MAP2: variants seen among roughly 807,000 people sequenced by gnomAD.
The protein encoded by MAP2 is microtubule associated protein 2.
A neutral mutation model predicts 137.6 loss-of-function variants in MAP2; 14 were observed. The ratio of observed to expected loss-of-function variants is 0.10; its 90% CI spans 0.07 to 0.16. The LOEUF is 0.16. MAP2 is among the 10% of genes least tolerant of loss of function. MAP2 has a pLI of 1.00. For missense variants in MAP2, 2,088 were observed against 2,191.5 expected (o/e 0.95, Z 0.94); for synonymous variants, 786 against 782.3 (o/e 1.00, Z -0.08).
At chr2:209,437,189 A>C (rs1348660055) in intron 1 of MAP2, among the ~76,000 whole-genome samples, 2 of 151,688 alleles carry the variant, frequency 1.3e-5, no homozygotes, top group East Asian at 3.9e-4. Flanking sequence ...ACTTAAAAAA[A>C]ATGGGGTGGA....
intron 4 of MAP2, among the ~76,000 whole-genome samples, chr2:209,633,906 T>A (rs1003924374): frequency 6.6e-6 from 1 of 152,192 alleles, no homozygotes; most frequent in Non-Finnish European, 1.5e-5. Flanking sequence ...TTCTGTTTTT[T>A]ACCATCTCAG....
chr2:209,511,119 TAG>T (rs111503332), intron 2 of MAP2, among the ~76,000 whole-genome samples: 36 of 152,270 alleles, frequency 2.4e-4, no homozygotes, highest in African/African-American at 8.7e-4. Context: ...CTAGCTAGTG[TAG>T]ATATTTTATA....
At chr2:209,579,238 C>T (rs1245928466) in intron 2 of MAP2, 1 of 150,122 alleles carries the variant, frequency 6.7e-6, no homozygotes, top group Non-Finnish European at 1.5e-5. Flanking sequence ...TGCCTGAAAA[C>T]TGTTTCTCTA....
intron 4 of MAP2, among the ~76,000 whole-genome samples, chr2:209,636,045 T>G (rs912959950): frequency 1.3e-5 from 2 of 152,130 alleles, no homozygotes; most frequent in African/African-American, 4.8e-5. Flanking sequence ...ACCTAGTAAT[T>G]TCTTGAGATT....
intron 3 of MAP2, among the ~76,000 whole-genome samples, chr2:209,589,058 A>G (rs975638563): frequency 6.6e-6 from 1 of 152,082 alleles, no homozygotes; most frequent in Admixed American, 6.5e-5. Context: ...GCTTAATGGA[A>G]TAAGCTCCCT....
intron 3 of MAP2, among the ~76,000 whole-genome samples, chr2:209,611,104 T>A (rs2086696032): frequency 2.6e-5 from 4 of 152,178 alleles, no homozygotes. Context: ...TTAGAGAAGT[T>A]TAAACCAATG....
intron 5 of MAP2, 132 bp downstream of exon 5, chr2:209,653,564 A>G (rs1319707949): frequency 2.6e-5 from 24 of 906,750 alleles, no homozygotes; most frequent in Non-Finnish European, 3.7e-5. Context: ...CAGTCAGAGG[A>G]AATAAAAGAA....
chr2:209,671,006 T>C (rs558625266), intron 5 of MAP2, among the ~76,000 whole-genome samples: 90 of 152,136 alleles, frequency 5.9e-4, no homozygotes, highest in African/African-American at 2.1e-3. Flanking sequence ...GAGCTGAATT[T>C]TGTGCCATCA....
intron 1 of MAP2, among the ~76,000 whole-genome samples, chr2:209,449,840 TG>T (rs1699927247): frequency 6.6e-6 from 1 of 152,220 alleles, no homozygotes; most frequent in Non-Finnish European, 1.5e-5. Flanking sequence ...TATTGCTGTG[TG>T]TTGCAGGAGT....
chr2:209,452,294 T>G (rs1457626403), intron 1 of MAP2, among the ~76,000 whole-genome samples: 2 of 152,194 alleles, frequency 1.3e-5, no homozygotes, highest in African/African-American at 4.8e-5. Flanking sequence ...TAGGAGCTAT[T>G]TGGTTTCAGC....
intron 1 of MAP2, among the ~76,000 whole-genome samples, chr2:209,431,977 G>A (rs905560062): frequency 1.3e-5 from 2 of 152,168 alleles, no homozygotes; most frequent in Non-Finnish European, 2.9e-5. Flanking sequence ...TCTCCGGATA[G>A]TAGTTTAAAC....
chr2:209,696,009 T>C lies in MAP2; in HGVS notation c.3839T>C (p.Val1280Ala). 1 of 1,613,782 alleles carries C rather than the reference T, an allele frequency of 6.2e-7. No individual in the cohort carries two copies. Among genetic ancestry groups the C allele is most frequent in the Non-Finnish European group, 8.5e-7 (1 of 1,179,956 alleles). ...VETCPSEHKG[V>A]IESVVTIEDD... ...ACCTGCCCAAGTGAACACAAAGGAGTGATTGAGTCTGTTGTGACCATCGAG... is the reference window on the plus strand; with the variant it reads ...ACCTGCCCAAGTGAACACAAAGGAGCGATTGAGTCTGTTGTGACCATCGAG... The change falls in exon 8 of 16, where the codon GTG (valine) becomes GCG (alanine). Residue 1280 changes from valine to alanine, a missense_variant. Physicochemically the swap from Val to Ala is moderately conservative, Grantham distance 64. This residue lies in a region of MAP2 where 591 missense variants were observed against 642.6 expected (regional missense o/e 0.92). Transcript: ENST00000682079.
Position 209,696,277 on chromosome 2 carries a change from T to C in MAP2, c.4107T>C (p.Tyr1369=). The change falls in exon 8 of 16, where the codon TAT becomes TAC. Residue 1369 remains tyrosine (Y), a synonymous_variant. Coordinates refer to ENST00000682079, the MANE Select transcript of MAP2 (RefSeq NM_001375505.1). ...VALSEYKTET[Y]DDYKDETTID... ...TTTCTGAATATAAGACAGAAACCTA[T>C]GACGATTACAAAGATGAGACCACCA... The C allele has an allele frequency of 6.2e-7, 1 of 1,605,536 alleles. No individual in the cohort carries two copies. The highest frequency in any genetic ancestry group is 8.5e-7 in the Non-Finnish European group (1 of 1,177,554).
At chr2:209,516,261 T>C (rs2062481684) in intron 2 of MAP2, among the ~76,000 whole-genome samples, 1 of 146,764 alleles carries the variant, frequency 6.8e-6, no homozygotes, top group South Asian at 2.2e-4. Flanking sequence ...AACTATAAGA[T>C]ATTGATCTTC....
chr2:209,481,407 G>C (rs1708739687), intron 1 of MAP2, among the ~76,000 whole-genome samples: 1 of 152,220 alleles, frequency 6.6e-6, no homozygotes, highest in South Asian at 2.1e-4. Flanking sequence ...TCTACTGACA[G>C]TAACTTCCTG....
intron 1 of MAP2, among the ~76,000 whole-genome samples, chr2:209,466,070 C>T (rs1008601730): frequency 6.6e-6 from 1 of 152,052 alleles, no homozygotes; most frequent in African/African-American, 2.4e-5. Flanking sequence ...AAACATTGAG[C>T]GGGCTGGTTT....
chr2:209,559,016 TC>T (rs2071353137), intron 2 of MAP2, among the ~76,000 whole-genome samples: 1 of 152,120 alleles, frequency 6.6e-6, no homozygotes, highest in Non-Finnish European at 1.5e-5. Context: ...ATATCCTGTT[TC>T]CCCACATTCT....
intron 2 of MAP2, among the ~76,000 whole-genome samples, chr2:209,571,532 T>A (rs1020431605): frequency 2.0e-5 from 3 of 152,022 alleles, no homozygotes; most frequent in Non-Finnish European, 4.4e-5. Flanking sequence ...TCACCAGCAA[T>A]GTATGAGAGT....
chr2:209,712,679 C>T (rs1218368317), intron 13 of MAP2, among the ~76,000 whole-genome samples: 2 of 152,138 alleles, frequency 1.3e-5, no homozygotes, highest in Non-Finnish European at 2.9e-5. Flanking sequence ...TTCAACACTT[C>T]AGCACTCTCC....
Sources: gnomAD v4.1 joint callset for allele counts (sites outside exome capture counted in the v4.1 genomes callset) on GRCh38, gnomAD v4.1.1 for gene constraint, gnomAD v4.1.1 regional missense constraint, MANE v1.5 for transcripts, NCBI Gene and HGNC (gene_info 2026-07-23, HGNC 2026-07-21) for gene names.